The following ENTREP1 variants were observed in gnomAD, a reference collection of about 807,000 sequenced individuals.
The protein encoded by ENTREP1 is Friedreich ataxia region gene X123.
chr9:69,335,287 TAG>T, the ENTREP1 span, among the ~76,000 whole-genome samples: 30 of 152,114 alleles, frequency 2.0e-4, no homozygotes, highest in African/African-American at 6.3e-4. Context: ...ATTATTACAA[TAG>T]AGTTTTTGGA....
the ENTREP1 span, among the ~76,000 whole-genome samples, chr9:69,334,770 CTTTTCTTTT>C: frequency 6.9e-6 from 1 of 144,192 alleles, no homozygotes; most frequent in African/African-American, 2.7e-5. Flanking sequence ...CTTTCCTTTC[CTTTTCTTTT>C]TTTTTTTTTT....
At chr9:69,336,847 C>T in the ENTREP1 span, among the ~76,000 whole-genome samples, 14 of 151,350 alleles carry the variant, frequency 9.3e-5, no homozygotes, top group African/African-American at 1.7e-4. Flanking sequence ...TACAGGCGCC[C>T]GCCACTGCGC....
At chr9:69,375,718 T>TA in the ENTREP1 span, 2 of 1,596,378 alleles carry the variant, frequency 1.3e-6, no homozygotes, top group Non-Finnish European at 8.6e-7. Context: ...TATTTTTTTT[T>TA]ACCTTTCCTC....
the ENTREP1 span, chr9:69,380,894 C>G: frequency 6.6e-6 from 1 of 152,558 alleles, no homozygotes; most frequent in African/African-American, 2.4e-5. Context: ...ATTTCCAAAC[C>G]CAAACTCAAG....
At chr9:69,375,860 T>C in the ENTREP1 span, 1 of 1,613,508 alleles carries the variant, frequency 6.2e-7, no homozygotes. Flanking sequence ...CACCTTCTAC[T>C]TAAGGTACCT....
At chr9:69,367,269 G>C in the ENTREP1 span, among the ~76,000 whole-genome samples, 1 of 151,498 alleles carries the variant, frequency 6.6e-6, no homozygotes, top group Admixed American at 6.6e-5. Flanking sequence ...TGCTGTTTTG[G>C]TTACTATAAC....
At chr9:69,333,048 G>C in the ENTREP1 span, among the ~76,000 whole-genome samples, 11 of 152,190 alleles carry the variant, frequency 7.2e-5, no homozygotes, top group Non-Finnish European at 1.2e-4. Flanking sequence ...GAGAGAAAAG[G>C]AAGAGGCAGG....
At chr9:69,380,222 C>T in the ENTREP1 span, 4 of 152,332 alleles carry the variant, frequency 2.6e-5, no homozygotes, top group South Asian at 6.2e-4. Flanking sequence ...AGTCCACTTT[C>T]CTTTTCAAAA....
chr9:69,377,246 C>T, the ENTREP1 span: 2 of 701,060 alleles, frequency 2.9e-6, no homozygotes, highest in Non-Finnish European at 5.2e-6. Flanking sequence ...AAGTCCTTTA[C>T]ATGCATCCTC....
the ENTREP1 span, among the ~76,000 whole-genome samples, chr9:69,358,433 A>G: frequency 6.6e-6 from 1 of 152,208 alleles, no homozygotes; most frequent in Non-Finnish European, 1.5e-5. Flanking sequence ...TCATTCATTC[A>G]GTATTATTTA....
chr9:69,327,708 A>C, the ENTREP1 span, among the ~76,000 whole-genome samples: 1 of 152,166 alleles, frequency 6.6e-6, no homozygotes, highest in South Asian at 2.1e-4. Context: ...CCTTGTCTCC[A>C]GGTCTGGGCA....
At chr9:69,388,491 A>G in the ENTREP1 span, 6 of 1,467,644 alleles carry the variant, frequency 4.1e-6, no homozygotes, top group Non-Finnish European at 5.5e-6. Flanking sequence ...CAGATGACTC[A>G]TTTTCATAGC....
the ENTREP1 span, among the ~76,000 whole-genome samples, chr9:69,372,161 C>G: frequency 6.6e-6 from 1 of 152,126 alleles, no homozygotes; most frequent in African/African-American, 2.4e-5. Flanking sequence ...TGTACCATCT[C>G]TGAACTTAAA....
the ENTREP1 span, among the ~76,000 whole-genome samples, chr9:69,350,916 A>C: frequency 6.6e-6 from 1 of 152,150 alleles, no homozygotes; most frequent in African/African-American, 2.4e-5. Context: ...AAATCAATAA[A>C]ATTTGATTTT....
the ENTREP1 span, among the ~76,000 whole-genome samples, chr9:69,352,353 A>T: frequency 6.6e-6 from 1 of 152,098 alleles, no homozygotes; most frequent in African/African-American, 2.4e-5. Flanking sequence ...TCCTAACCTC[A>T]GGTGATCCAC....
the ENTREP1 span, among the ~76,000 whole-genome samples, chr9:69,352,621 A>C: frequency 6.6e-6 from 1 of 152,208 alleles, no homozygotes; most frequent in Non-Finnish European, 1.5e-5. Context: ...GATTTGCCCA[A>C]GGTCACATAG....
the ENTREP1 span, among the ~76,000 whole-genome samples, chr9:69,349,417 T>C: frequency 6.6e-6 from 1 of 152,214 alleles, no homozygotes; most frequent in Non-Finnish European, 1.5e-5. Context: ...AGGTTCTAGT[T>C]TCTCCACGGT....
chr9:69,364,745 T>G, the ENTREP1 span, among the ~76,000 whole-genome samples: 1 of 152,208 alleles, frequency 6.6e-6, no homozygotes, highest in African/African-American at 2.4e-5. Flanking sequence ...GGTGACCATT[T>G]GGCTAAGTTT....
the ENTREP1 span, among the ~76,000 whole-genome samples, chr9:69,328,427 A>C: frequency 1.3e-5 from 2 of 152,154 alleles, no homozygotes; most frequent in East Asian, 1.9e-4. Flanking sequence ...AAAACTCAAC[A>C]AATGTAGAAA....
Sources: allele counts gnomAD v4.1 joint callset (sites outside exome capture counted in the v4.1 genomes callset), GRCh38; gene constraint gnomAD v4.1.1; transcripts MANE v1.5; gene names NCBI Gene and HGNC (gene_info 2026-07-23, HGNC 2026-07-21).